Variants in IL26 observed in about 807,000 individuals in gnomAD.
The protein encoded by IL26 is interleukin 26.
Under a neutral mutation model 21.7 loss-of-function variants are expected in IL26, and 23 were observed. The ratio of observed to expected loss-of-function variants is 1.06; its 90% CI spans 0.76 to 1.50. The LOEUF is 1.50. Among genes scored for constraint, IL26 ranks in the 40% most tolerant of loss-of-function variants. IL26 has a pLI of 0.00. For synonymous variants in IL26, 63 were observed against 67.8 expected (o/e 0.93, Z 0.34); for missense variants, 204 against 196.0 (o/e 1.04, Z -0.24).
chr12:68,225,367 GA>G (rs1360612934), intron 2 of IL26, 76 bp downstream of exon 2: 1 of 1,526,178 alleles, frequency 6.6e-7, no homozygotes. Flanking sequence ...ATTACTCTCT[GA>G]AAAAAATTTA....
intron 3 of IL26, among the ~76,000 whole-genome samples, chr12:68,220,186 G>GTAAA (rs1304794358): frequency 3.3e-5 from 5 of 152,004 alleles, no homozygotes; most frequent in African/African-American, 1.2e-4. Flanking sequence ...AATTGAAAAG[G>GTAAA]TAAACCCTTT....
At position 68,225,728 on chromosome 12, in the gene IL26, C is replaced by G. The variant is rs1211388695; in HGVS notation, c.29G>C (p.Gly10Ala). 1 of 1,613,952 alleles carries G rather than the reference C, an allele frequency of 6.2e-7. No individual in the cohort carries two copies. The highest frequency in any genetic ancestry group is 8.5e-7 in the Non-Finnish European group (1 of 1,179,896). Residue 10 changes from glycine to alanine, a missense_variant, in exon 1 of 5, where the codon GGG (glycine) becomes GCG (alanine). Transcript: ENST00000229134. ...AAGAGACAGAGTGACTAACAGCAAC[C>G]CACACCTCAAAATGAAATTCACCAG... MLVNFILRC[G>A]LLLVTLSLAI... is the part of the protein sequence containing the mutation.
intron 3 of IL26, among the ~76,000 whole-genome samples, chr12:68,206,154 G>A (rs550477130): frequency 6.6e-6 from 1 of 152,272 alleles, no homozygotes; most frequent in South Asian, 2.1e-4. Flanking sequence ...TCTCCAGCAG[G>A]AATTTATTGT....
In IL26 at chr12:68,221,376, G is replaced by A. The variant is rs532847307; in HGVS notation, c.363+3773C>T. Among the ~76,000 whole-genome samples, 9 of 152,214 alleles carry A rather than the reference G, an allele frequency of 5.9e-5. No individual in the cohort carries two copies. The South Asian group carries it at 1.9e-3, about 32-fold the overall frequency. ...CAGCCATTTGACGAATATCCATCAA[G>A]TGCAAATCCATACCCTCAAAATGTG... is the stretch of plus-strand genomic sequence containing the variant. On this transcript the variant is annotated intron_variant, in intron 3 of 4. Coordinates refer to ENST00000229134, the MANE Select transcript of IL26 (RefSeq NM_018402.2).
intron 3 of IL26, among the ~76,000 whole-genome samples, chr12:68,220,742 T>G (rs754544330): frequency 4.6e-5 from 7 of 152,236 alleles, no homozygotes; most frequent in Admixed American, 1.3e-4. Context: ...GTTCAAGAGA[T>G]TCTCCTGTCT....
chr12:68,217,955 G>A (rs559922076), intron 3 of IL26, among the ~76,000 whole-genome samples: 32 of 152,240 alleles, frequency 2.1e-4, no homozygotes, highest in Non-Finnish European at 3.2e-4. Flanking sequence ...CAAAATCATA[G>A]GAAATATGGT....
At chr12:68,223,866 G>C (rs976123197) in intron 3 of IL26, among the ~76,000 whole-genome samples, 1 of 140,748 alleles carries the variant, frequency 7.1e-6, no homozygotes. Context: ...CAAAGAAATA[G>C]AGAACTTAAA....
intron 3 of IL26, among the ~76,000 whole-genome samples, chr12:68,208,520 C>T (rs1473206365): frequency 6.6e-6 from 1 of 151,960 alleles, no homozygotes; most frequent in Non-Finnish European, 1.5e-5. Flanking sequence ...TTTCTTGAGA[C>T]GGAGTTTCAC....
chr12:68,212,662 C>T (rs1275002875), intron 3 of IL26, among the ~76,000 whole-genome samples: 1 of 151,942 alleles, frequency 6.6e-6, no homozygotes, highest in Non-Finnish European at 1.5e-5. Context: ...TATATTTTTG[C>T]AGCTATTGTA....
chr12:68,209,156 G>T (rs1868630470), intron 3 of IL26, among the ~76,000 whole-genome samples: 1 of 152,198 alleles, frequency 6.6e-6, no homozygotes, highest in Admixed American at 6.5e-5. Context: ...TCTACTGATT[G>T]TTGGGGTAAT....
chr12:68,211,265 C>A (rs997437524), intron 3 of IL26, among the ~76,000 whole-genome samples: 1 of 152,174 alleles, frequency 6.6e-6, no homozygotes, highest in Non-Finnish European at 1.5e-5. Flanking sequence ...GACAGAATTT[C>A]ATTTTTTTCA....
intron 3 of IL26, among the ~76,000 whole-genome samples, chr12:68,222,138 AAGAG>A (rs1869063126): frequency 6.6e-6 from 1 of 152,246 alleles, no homozygotes; most frequent in Non-Finnish European, 1.5e-5. Flanking sequence ...GTACACTGAT[AAGAG>A]CATTTAAAAA....
chr12:68,218,324 C>G (rs1299844516), intron 3 of IL26, among the ~76,000 whole-genome samples: 1 of 152,040 alleles, frequency 6.6e-6, no homozygotes, highest in African/African-American at 2.4e-5. Context: ...TGCTATAACT[C>G]TATTCCATAT....
At chr12:68,220,914 G>A (rs1194743898) in intron 3 of IL26, among the ~76,000 whole-genome samples, 3 of 152,222 alleles carry the variant, frequency 2.0e-5, no homozygotes, top group Non-Finnish European at 4.4e-5. Context: ...TGGGATTGTA[G>A]GCGTAAGCTA....
At chr12:68,209,738 A>C (rs1868654322) in intron 3 of IL26, among the ~76,000 whole-genome samples, 1 of 152,116 alleles carries the variant, frequency 6.6e-6, no homozygotes, top group African/African-American at 2.4e-5. Flanking sequence ...CCCAACACTC[A>C]GCTTTTACCC....
At chr12:68,203,782 G>A (rs755191323) in intron 3 of IL26, among the ~76,000 whole-genome samples, 27 of 152,106 alleles carry the variant, frequency 1.8e-4, no homozygotes, top group Admixed American at 3.3e-4. Context: ...TGCATAGGAG[G>A]GAAGAGACTC....
In IL26 at chr12:68,201,792, C is replaced by T. The variant is rs1055545283; in HGVS notation, c.*53G>A. 10 of 1,201,020 alleles carry T rather than the reference C, an allele frequency of 8.3e-6. No individual in the cohort carries two copies. The highest frequency in any genetic ancestry group is 2.0e-4 in the Middle Eastern group (1 of 5,056). 74.4% of individuals were successfully genotyped at this position (1,201,020 alleles called of 1,614,324 possible). ...TAGACTGTTATAAACATATTTCTAG[C>T]AGTTCTTATTGTATTTCAAAATAAC... On this transcript the variant is annotated 3_prime_UTR_variant, in exon 5 of 5. Coordinates refer to ENST00000229134, the MANE Select transcript of IL26 (RefSeq NM_018402.2).
At chr12:68,203,733 G>T (rs1200425571) in intron 3 of IL26, among the ~76,000 whole-genome samples, 1 of 152,140 alleles carries the variant, frequency 6.6e-6, no homozygotes, top group Non-Finnish European at 1.5e-5. Context: ...CGGTTTTCTG[G>T]CTCTGCCCAA....
intron 3 of IL26, among the ~76,000 whole-genome samples, chr12:68,211,463 G>T (rs1868727376): frequency 6.6e-6 from 1 of 152,120 alleles, no homozygotes; most frequent in Admixed American, 6.6e-5. Context: ...TATACTTTCA[G>T]TTTTTTGAGG....
Sources: allele counts gnomAD v4.1 joint callset (sites outside exome capture counted in the v4.1 genomes callset), GRCh38; gene constraint gnomAD v4.1.1; transcripts MANE v1.5; gene names NCBI Gene and HGNC (gene_info 2026-07-23, HGNC 2026-07-21).